Variants in SAMD5 observed in about 807,000 individuals in gnomAD.
SAMD5 encodes the protein sterile alpha motif domain containing 5, also known as sterile alpha motif domain-containing protein 5.
A neutral mutation model predicts 11.3 loss-of-function variants in SAMD5; 13 were observed. The observed-to-expected ratio is 1.15, with a 90% CI of 0.75 to 1.83. The LOEUF is 1.83. SAMD5 is among the 40% of genes most tolerant of loss of function. The pLI is 0.00. For missense variants in SAMD5, 255 were observed against 239.1 expected, an observed-to-expected ratio of 1.07 and a Z score of -0.44; for synonymous variants, 129 against 111.3, an observed-to-expected ratio of 1.16 and a Z score of -1.00.
At chr6:147,821,073 G>T in the SAMD5 span, among the ~76,000 whole-genome samples, 1 of 152,120 alleles carries the variant, frequency 6.6e-6, no homozygotes, top group South Asian at 2.1e-4. Context: ...ACACAGTAGG[G>T]ACTCAGTAAA....
At chr6:147,714,213 C>CT (rs35712925) in intron 1 of SAMD5, among the ~76,000 whole-genome samples, 2 of 152,116 alleles carry the variant, frequency 1.3e-5, no homozygotes, top group East Asian at 1.9e-4. Flanking sequence ...TTTTGGTCTG[C>CT]TTTTTTATTA....
the SAMD5 span, among the ~76,000 whole-genome samples, chr6:147,926,986 C>G: frequency 1.3e-5 from 2 of 151,658 alleles, no homozygotes; most frequent in Non-Finnish European, 3.0e-5. Flanking sequence ...CATAGGCGAC[C>G]TTATTTCTGG....
the SAMD5 span, among the ~76,000 whole-genome samples, chr6:147,899,379 A>C: frequency 6.6e-6 from 1 of 152,126 alleles, no homozygotes; most frequent in Non-Finnish European, 1.5e-5. Flanking sequence ...CTCAAACTGC[A>C]TGTCCTGGAA....
At chr6:147,676,282 C>G (rs1790862379) in intron 1 of SAMD5, 1 of 152,064 alleles carries the variant, frequency 6.6e-6, no homozygotes. Flanking sequence ...CAGTCCAACT[C>G]TGGACACCGA....
intron 1 of SAMD5, among the ~76,000 whole-genome samples, chr6:147,556,080 T>C (rs180820093): frequency 1.3e-5 from 2 of 152,180 alleles, no homozygotes; most frequent in African/African-American, 4.8e-5. Flanking sequence ...TGTAATGCAT[T>C]TACTAGTGTT....
At chr6:147,697,872 C>T (rs55689553) in intron 1 of SAMD5, among the ~76,000 whole-genome samples, 12 of 152,258 alleles carry the variant, frequency 7.9e-5, no homozygotes, top group Non-Finnish European at 1.6e-4. Context: ...GGGTCAGTTT[C>T]TATGTTTAGC....
chr6:147,878,631 CT>C, the SAMD5 span, among the ~76,000 whole-genome samples: 1 of 143,628 alleles, frequency 7.0e-6, no homozygotes, highest in Non-Finnish European at 1.5e-5. Context: ...GTATATATAT[CT>C]ATATATTTAC....
chr6:147,728,874 C>T (rs1366946112), intron 1 of SAMD5, among the ~76,000 whole-genome samples: 2 of 152,126 alleles, frequency 1.3e-5, no homozygotes, highest in African/African-American at 4.8e-5. Context: ...TTCTGTGTGG[C>T]TTCTGTATCT....
intron 1 of SAMD5, among the ~76,000 whole-genome samples, chr6:147,660,326 G>A (rs1258162434): frequency 2.0e-5 from 3 of 152,160 alleles, no homozygotes; most frequent in Non-Finnish European, 4.4e-5. Context: ...GAACCTTGAA[G>A]TTCACCATGC....
chr6:147,951,814 C>T, the SAMD5 span, among the ~76,000 whole-genome samples: 1 of 152,232 alleles, frequency 6.6e-6, no homozygotes, highest in African/African-American at 2.4e-5. Flanking sequence ...TTCTGACAGA[C>T]GCAGAATAAA....
intron 1 of SAMD5, among the ~76,000 whole-genome samples, chr6:147,591,799 C>A (rs1789458481): frequency 6.6e-6 from 1 of 152,142 alleles, no homozygotes. Flanking sequence ...ATAGCATCTA[C>A]ATTTACAGGT....
the SAMD5 span, among the ~76,000 whole-genome samples, chr6:147,943,484 CCTCCTT>C: frequency 6.6e-6 from 1 of 152,060 alleles, no homozygotes; most frequent in Non-Finnish European, 1.5e-5. Context: ...TCCTCCTCCT[CCTCCTT>C]TGCTCTGCGT....
chr6:147,620,432 G>A (rs1242883409), intron 1 of SAMD5, among the ~76,000 whole-genome samples: 1 of 152,172 alleles, frequency 6.6e-6, no homozygotes, highest in Non-Finnish European at 1.5e-5. Flanking sequence ...GCATTTCTAT[G>A]CCTGTAACCT....
intron 1 of SAMD5, among the ~76,000 whole-genome samples, chr6:147,653,240 A>C (rs1320710093): frequency 6.6e-6 from 1 of 152,228 alleles, no homozygotes; most frequent in Non-Finnish European, 1.5e-5. Context: ...AATGGAGTTA[A>C]ATAGACTTGC....
At chr6:147,744,548 C>T in the SAMD5 span, among the ~76,000 whole-genome samples, 6 of 152,032 alleles carry the variant, frequency 3.9e-5, no homozygotes, top group South Asian at 2.1e-4. Context: ...CTAGTTTCTT[C>T]GACCAAAAAA....
chr6:147,777,805 G>C, the SAMD5 span, among the ~76,000 whole-genome samples: 2 of 152,226 alleles, frequency 1.3e-5, no homozygotes, highest in East Asian at 3.9e-4. Context: ...TTAGTATAAT[G>C]TATTCAAGAT....
chr6:147,777,689 C>G, the SAMD5 span, among the ~76,000 whole-genome samples: 1 of 152,182 alleles, frequency 6.6e-6, no homozygotes, highest in East Asian at 1.9e-4. Context: ...ATTCCTCCTT[C>G]TTCCAGCCCT....
At chr6:147,826,949 C>G in the SAMD5 span, among the ~76,000 whole-genome samples, 1 of 152,046 alleles carries the variant, frequency 6.6e-6, no homozygotes, top group African/African-American at 2.4e-5. Context: ...TACAGAGGAG[C>G]TGAATGGGTA....
chr6:147,509,432 G>A (rs945352430), intron 1 of SAMD5, 45 bp downstream of exon 1: 32 of 1,481,076 alleles, frequency 2.2e-5, no homozygotes, highest in African/African-American at 7.3e-5. Flanking sequence ...CGGCGGGAGG[G>A]GACACAGCCC....
Sources: gnomAD v4.1 joint callset for allele counts (sites outside exome capture counted in the v4.1 genomes callset) on GRCh38, gnomAD v4.1.1 for gene constraint, MANE v1.5 for transcripts, NCBI Gene and HGNC (gene_info 2026-07-23, HGNC 2026-07-21) for gene names.